The following GLI3 variants were observed in gnomAD, a reference collection of about 807,000 sequenced individuals.
The protein encoded by GLI3 is transcription activator GLI3.
Under a neutral mutation model 100.8 loss-of-function variants are expected in GLI3, and 20 were observed. That is an observed-to-expected ratio of 0.20 (90% CI 0.14 to 0.29). The LOEUF (loss-of-function observed/expected upper bound fraction) is 0.29. Among genes scored for constraint, GLI3 ranks in the 10% least tolerant of loss-of-function variants. The pLI is 1.00. For synonymous variants in GLI3, 938 were observed against 860.5 expected (o/e 1.09, Z -1.58); for missense variants, 2,040 against 2,128.5 (o/e 0.96, Z 0.82).
intron 12 of GLI3, among the ~76,000 whole-genome samples, chr7:41,974,192 C>A (rs1787441208): frequency 6.6e-6 from 1 of 152,164 alleles, no homozygotes; most frequent in Non-Finnish European, 1.5e-5. Flanking sequence ...AGCTTAGAAC[C>A]AAGGACGCAG....
In GLI3 at chr7:42,147,539, T is replaced by C. The variant is rs1298438016; in HGVS notation, c.367+687A>G. Among the ~76,000 whole-genome samples, 5 of 152,296 alleles carry C rather than the reference T, an allele frequency of 3.3e-5. No homozygotes were observed. The East Asian group carries it at 7.7e-4, about 24-fold the overall frequency. Reference sequence around the variant, plus strand: ...TTGTATTTTTTTAACTAGAAACAGGTCAGAAATAAACTCAACCCTTATACA... The same window carrying C: ...TTGTATTTTTTTAACTAGAAACAGGCCAGAAATAAACTCAACCCTTATACA... On this transcript the variant is annotated intron_variant, in intron 3 of 14. Coordinates refer to ENST00000395925, the MANE Select transcript of GLI3 (RefSeq NM_000168.6).
chr7:42,259,243 T>C (rs1215231927), intron 1 of GLI3, among the ~76,000 whole-genome samples: 1 of 152,218 alleles, frequency 6.6e-6, no homozygotes, highest in Non-Finnish European at 1.5e-5. Flanking sequence ...TTTGTGTCTG[T>C]GAAGTAAAAT....
chr7:42,055,761 A>C (rs1350116716), intron 4 of GLI3, among the ~76,000 whole-genome samples: 1 of 152,136 alleles, frequency 6.6e-6, no homozygotes, highest in African/African-American at 2.4e-5. Context: ...ATGAATTCTT[A>C]ATTGGCATAT....
At chr7:42,012,685 A>G (rs1788652497) in intron 10 of GLI3, among the ~76,000 whole-genome samples, 1 of 149,952 alleles carries the variant, frequency 6.7e-6, no homozygotes, top group Non-Finnish European at 1.5e-5. Flanking sequence ...CTTGATCAAG[A>G]AAAAAAAAAT....
At chr7:42,146,786 T>A (rs1299683761) in intron 3 of GLI3, among the ~76,000 whole-genome samples, 4 of 152,114 alleles carry the variant, frequency 2.6e-5, no homozygotes. Context: ...AAAAATACAA[T>A]GCAGAAAACT....
At chr7:42,025,242 C>T (rs1333314158) in intron 9 of GLI3, 22 bp downstream of exon 9, 13 of 1,505,990 alleles carry the variant, frequency 8.6e-6, no homozygotes, top group Non-Finnish European at 1.2e-5. Flanking sequence ...GGGCGCTGGC[C>T]TGTGCGGCCT....
intron 7 of GLI3, among the ~76,000 whole-genome samples, chr7:42,031,607 C>T (rs1789299221): frequency 6.6e-6 from 1 of 152,170 alleles, no homozygotes; most frequent in African/African-American, 2.4e-5. Context: ...TCTAGGGCAA[C>T]AATTATAAAG....
chr7:42,031,751 A>T (rs1214648598), intron 7 of GLI3, among the ~76,000 whole-genome samples: 2 of 152,228 alleles, frequency 1.3e-5, no homozygotes, highest in Non-Finnish European at 2.9e-5. Flanking sequence ...TTGAAAGGGC[A>T]TTCCACTGGA....
intron 1 of GLI3, among the ~76,000 whole-genome samples, chr7:42,229,686 A>C (rs2128705031): frequency 6.6e-6 from 1 of 152,340 alleles, no homozygotes; most frequent in South Asian, 2.1e-4. Flanking sequence ...TTAACCATCC[A>C]GGTAAAACTA....
At chr7:42,134,460 T>C (rs1256022053) in intron 3 of GLI3, among the ~76,000 whole-genome samples, 2 of 152,104 alleles carry the variant, frequency 1.3e-5, no homozygotes, top group Admixed American at 6.6e-5. Flanking sequence ...AAACAAAACA[T>C]GCCAAATGCA....
chr7:42,020,889 C>CAA (rs371389453), intron 10 of GLI3, among the ~76,000 whole-genome samples: 33 of 113,110 alleles, frequency 2.9e-4, no homozygotes, highest in African/African-American at 6.2e-4. Flanking sequence ...GACTCCGTCT[C>CAA]AAAAAAAAAA....
At chr7:42,098,695 C>T (rs1172133132) in intron 3 of GLI3, among the ~76,000 whole-genome samples, 2 of 152,152 alleles carry the variant, frequency 1.3e-5, no homozygotes, top group African/African-American at 2.4e-5. Flanking sequence ...GGGACTACCA[C>T]AATGCCTCAT....
chr7:42,063,545 T>A (rs1784614047), intron 4 of GLI3, among the ~76,000 whole-genome samples: 1 of 152,200 alleles, frequency 6.6e-6, no homozygotes, highest in South Asian at 2.1e-4. Context: ...ACCTGGAACT[T>A]CCTCATGACT....
At chr7:42,213,550 A>T (rs1788312441) in intron 2 of GLI3, among the ~76,000 whole-genome samples, 1 of 152,204 alleles carries the variant, frequency 6.6e-6, no homozygotes, top group South Asian at 2.1e-4. Context: ...CTGTTATGAA[A>T]GATGATCCTA....
At chr7:41,992,749 T>C (rs558961565) in intron 10 of GLI3, among the ~76,000 whole-genome samples, 6 of 152,204 alleles carry the variant, frequency 3.9e-5, no homozygotes, top group African/African-American at 1.4e-4. Flanking sequence ...TGGGGTGTCT[T>C]TGGAGGACCC....
chr7:42,023,164 C>T (rs185819986), intron 10 of GLI3, among the ~76,000 whole-genome samples: 102 of 152,276 alleles, frequency 6.7e-4, no homozygotes, highest in African/African-American at 2.3e-3. Context: ...AATTCATGTC[C>T]AGCTTACTAT....
upstream of GLI3, among the ~76,000 whole-genome samples, chr7:42,238,809 C>T (rs1788889744): frequency 6.6e-6 from 1 of 152,228 alleles, no homozygotes; most frequent in African/African-American, 2.4e-5. Flanking sequence ...CTGTGACATT[C>T]CAACATCCCC....
At chr7:42,100,364 T>C (rs927580501) in intron 3 of GLI3, among the ~76,000 whole-genome samples, 1 of 152,160 alleles carries the variant, frequency 6.6e-6, no homozygotes, top group African/African-American at 2.4e-5. Flanking sequence ...TATTTGGAAA[T>C]AGGGCTTTGC....
Position 42,086,823 on chromosome 7 carries a change from C to A in GLI3, c.368-9966G>T, listed in dbSNP as rs574691393. Among the ~76,000 whole-genome samples the A allele has an allele frequency of 3.8e-4, 58 of 152,298 alleles. No individual in the cohort carries two copies. In the South Asian group the frequency reaches 0.012, roughly 31 times the overall value. The stretch of plus-strand genomic sequence containing the variant: ...ACTTGGACCCGCATCATGTCCTCCC[C>A]ACTGCCTTGCCCTCTGACGGCCCTG... On this transcript the variant is annotated intron_variant, in intron 3 of 14. Transcript: ENST00000395925.
Sources: gnomAD v4.1 joint callset for allele counts (sites outside exome capture counted in the v4.1 genomes callset) on GRCh38, gnomAD v4.1.1 for gene constraint, MANE v1.5 for transcripts, NCBI Gene and HGNC (gene_info 2026-07-23, HGNC 2026-07-21) for gene names.